Variants in MTHFD1L observed in about 807,000 individuals in gnomAD.
The protein encoded by MTHFD1L is monofunctional C1-tetrahydrofolate synthase, mitochondrial.
MTHFD1L carries 81 observed loss-of-function variants against 119.5 expected under a neutral mutation model. The observed-to-expected ratio is 0.68, with a 90% CI of 0.57 to 0.82. The LOEUF is 0.82. MTHFD1L is among the 40% of genes least tolerant of loss of function. The pLI, the probability that MTHFD1L is intolerant of heterozygous loss-of-function variation, is 0.00. For synonymous variants in MTHFD1L, 430 were observed against 475.2 expected, an observed-to-expected ratio of 0.90 and a Z score of 1.24; for missense variants, 1,125 against 1,253.4, an observed-to-expected ratio of 0.90 and a Z score of 1.55.
chr6:150,939,690 T>TG (rs1396819815), intron 13 of MTHFD1L, among the ~76,000 whole-genome samples: 1 of 147,916 alleles, frequency 6.8e-6, no homozygotes, highest in East Asian at 1.9e-4. Flanking sequence ...ACTCTTTTTT[T>TG]TTTTTTTTTT....
intron 26 of MTHFD1L, among the ~76,000 whole-genome samples, chr6:151,089,707 A>C (rs1028338132): frequency 1.4e-4 from 22 of 152,314 alleles, no homozygotes; most frequent in Admixed American, 7.8e-4. Flanking sequence ...AGGCAACTGG[A>C]AAAAAATATG....
rs149713476 is a variant in MTHFD1L at position 151,048,771 on chromosome 6, G to A, written c.2847+11654G>A. On this transcript the variant is annotated intron_variant, in intron 26 of 27. Transcript: ENST00000367321. ...TTCATGTGCTTAGATATGGACCTAC[G>A]GATCAAATATCCCACTGTAAAGCAA... Among the ~76,000 whole-genome samples the A allele has an allele frequency of 9.2e-5, 14 of 152,266 alleles. No homozygotes were observed. In the East Asian group the frequency reaches 9.6e-4, roughly 10 times the overall value.
Position 150,960,287 on chromosome 6 carries a change from A to G in MTHFD1L, c.1816A>G (p.Ile606Val), listed in dbSNP as rs569176356. 3.7e-6 allele frequency: 6 copies of G among 1,613,168 alleles called. No homozygotes were observed. Among genetic ancestry groups the G allele is most frequent in the Admixed American group, 1.7e-5 (1 of 59,960 alleles). Residue 606 changes from isoleucine to valine, a missense_variant, in exon 18 of 28, where the codon ATC (isoleucine) becomes GTC (valine). By Grantham distance (29) the Ile-to-Val change is conservative. Transcript: ENST00000367321. ...KGHYRQAQFD[I>V]AVASEIMAVL... is the part of the protein sequence containing the mutation. ...TGGGCTGGTTCAGGCGCAGTTTGAC[A>G]TCGCAGTGGCCAGCGAGATCATGGC...
chr6:151,049,333 T>C (rs1788618075), intron 26 of MTHFD1L, among the ~76,000 whole-genome samples: 2 of 152,072 alleles, frequency 1.3e-5, no homozygotes, highest in South Asian at 4.2e-4. Context: ...CTACTAAAAA[T>C]ACAAAAAAAT....
intron 23 of MTHFD1L, among the ~76,000 whole-genome samples, chr6:151,015,307 CT>C (rs1392773209): frequency 2.0e-5 from 3 of 149,988 alleles, no homozygotes; most frequent in African/African-American, 7.4e-5. Flanking sequence ...TGATAACACC[CT>C]TAACGACTTG....
intron 11 of MTHFD1L, among the ~76,000 whole-genome samples, chr6:150,931,555 T>G (rs1791051632): frequency 6.6e-6 from 1 of 152,302 alleles, no homozygotes; most frequent in East Asian, 1.9e-4. Context: ...CCATGGGGTT[T>G]ATTGTTAGAT....
chr6:151,077,830 G>A (rs1012792871), intron 26 of MTHFD1L, among the ~76,000 whole-genome samples: 11 of 151,982 alleles, frequency 7.2e-5, no homozygotes, highest in Admixed American at 1.3e-4. Flanking sequence ...TTGGAAGGCC[G>A]AGGCGGGCGG....
At chr6:151,002,383 A>G (rs1780739445) in intron 20 of MTHFD1L, among the ~76,000 whole-genome samples, 2 of 152,250 alleles carry the variant, frequency 1.3e-5, no homozygotes. Flanking sequence ...CAGGACACCT[A>G]GTACATTGCC....
At position 150,926,413 on chromosome 6, in the gene MTHFD1L, A is replaced by G; in HGVS notation, c.1256+118A>G. Reference sequence around the variant, plus strand: ...TATTCTCACATTTGACATTTCGTCCATTTCATTTGGCATTTCTTTATTTGG... The same window carrying G: ...TATTCTCACATTTGACATTTCGTCCGTTTCATTTGGCATTTCTTTATTTGG... On this transcript the variant is annotated intron_variant, in intron 11 of 27. Coordinates refer to ENST00000367321, the MANE Select transcript of MTHFD1L (RefSeq NM_015440.5). The surrounding 1 kb of genome is among the most constrained non-coding windows in gnomAD (Gnocchi z 4.3). The G allele has an allele frequency of 1.0e-6, 1 of 988,898 alleles. No homozygotes were observed. Among genetic ancestry groups the G allele is most frequent in the Non-Finnish European group, 1.4e-6 (1 of 692,810 alleles). 61.3% of individuals were successfully genotyped at this position (988,898 alleles called of 1,614,324 possible).
At chr6:150,897,855 T>A (rs78542222) in intron 7 of MTHFD1L, among the ~76,000 whole-genome samples, 3,825 of 151,462 alleles carry the variant, frequency 0.025, 66 homozygotes, top group Middle Eastern at 0.066. Context: ...AAAAAAAAAA[T>A]TTTTTTGAGA....
chr6:150,906,862 G>A (rs1471573148), intron 8 of MTHFD1L, among the ~76,000 whole-genome samples: 1 of 152,166 alleles, frequency 6.6e-6, no homozygotes, highest in African/African-American at 2.4e-5. Flanking sequence ...AAAACCCCTT[G>A]GGGGCTGGAG....
At chr6:151,033,651 TC>T (rs1305898053) in intron 24 of MTHFD1L, among the ~76,000 whole-genome samples, 4 of 152,302 alleles carry the variant, frequency 2.6e-5, no homozygotes, top group Non-Finnish European at 4.4e-5. Flanking sequence ...TCACATTTCT[TC>T]CATGCCACAT....
At chr6:151,075,672 C>T (rs1254576067) in intron 26 of MTHFD1L, among the ~76,000 whole-genome samples, 4 of 152,160 alleles carry the variant, frequency 2.6e-5, no homozygotes, top group African/African-American at 7.2e-5. Context: ...TCTTTTCAAA[C>T]GTACACAGAA....
chr6:150,983,003 C>T (rs555869118), intron 20 of MTHFD1L, among the ~76,000 whole-genome samples: 18 of 152,230 alleles, frequency 1.2e-4, no homozygotes, highest in East Asian at 1.9e-4. Context: ...ACCGGCTGAA[C>T]GCTTCTATTG....
At chr6:150,967,414 T>A (rs1023434520) in intron 19 of MTHFD1L, among the ~76,000 whole-genome samples, 11 of 115,966 alleles carry the variant, frequency 9.5e-5, no homozygotes, top group Non-Finnish European at 2.3e-4. Flanking sequence ...TCACCTTTTT[T>A]GCCCCGTTCT....
intron 17 of MTHFD1L, among the ~76,000 whole-genome samples, chr6:150,959,452 C>A (rs749629739): frequency 1.3e-5 from 2 of 152,182 alleles, no homozygotes; most frequent in Non-Finnish European, 2.9e-5. Flanking sequence ...TTCCTGTGTC[C>A]CTTTTATTCC....
intron 26 of MTHFD1L, among the ~76,000 whole-genome samples, chr6:151,071,594 G>T (rs1326952866): frequency 6.6e-6 from 1 of 151,882 alleles, no homozygotes; most frequent in East Asian, 1.9e-4. Flanking sequence ...CGTGTCAGTA[G>T]CAAAGCAAGG....
intron 11 of MTHFD1L, among the ~76,000 whole-genome samples, chr6:150,929,700 A>G (rs1360989060): frequency 6.6e-6 from 1 of 152,220 alleles, no homozygotes; most frequent in Non-Finnish European, 1.5e-5. Context: ...AATATGTATA[A>G]TCAAGCTGAA....
At chr6:150,870,931 CAAAA>C (rs949588569) in intron 1 of MTHFD1L, among the ~76,000 whole-genome samples, 1 of 139,836 alleles carries the variant, frequency 7.2e-6, no homozygotes, top group Non-Finnish European at 1.5e-5. Context: ...CAAAACAAAA[CAAAA>C]AAACCCAAAA....
Sources: allele counts gnomAD v4.1 joint callset (sites outside exome capture counted in the v4.1 genomes callset), GRCh38; gene constraint gnomAD v4.1.1; non-coding constraint Gnocchi (gnomAD v3.1); transcripts MANE v1.5; gene names NCBI Gene and HGNC (gene_info 2026-07-23, HGNC 2026-07-21).